MYO3B: variants seen among roughly 807,000 people sequenced by gnomAD.
MYO3B encodes myosin-IIIb.
In MYO3B, 156 loss-of-function variants were observed where a neutral mutation model predicts 174.6. The observed-to-expected ratio is 0.89, with a 90% CI of 0.78 to 1.02. The LOEUF (loss-of-function observed/expected upper bound fraction) is 1.02, where lower values mean the gene tolerates loss of function less well. Among genes scored for constraint, MYO3B ranks in the 50% least tolerant of loss-of-function variants. The pLI is 0.00. For missense variants in MYO3B, 1,632 were observed against 1,639.4 expected, an observed-to-expected ratio of 1.00 and a Z score of 0.08; for synonymous variants, 563 against 569.1, an observed-to-expected ratio of 0.99 and a Z score of 0.15.
At chr2:170,457,998 C>A (rs1272125329) in intron 23 of MYO3B, among the ~76,000 whole-genome samples, 5 of 152,156 alleles carry the variant, frequency 3.3e-5, no homozygotes, top group African/African-American at 1.2e-4. Context: ...AAGTGGTCCA[C>A]GCACCTTGGC....
intron 7 of MYO3B, among the ~76,000 whole-genome samples, chr2:170,269,115 C>T (rs529933095): frequency 6.6e-6 from 1 of 152,174 alleles, no homozygotes; most frequent in African/African-American, 2.4e-5. Context: ...GTACACCTTA[C>T]AGGCTGCCTC....
intron 25 of MYO3B, among the ~76,000 whole-genome samples, chr2:170,493,109 C>T (rs1286645129): frequency 6.6e-6 from 1 of 152,186 alleles, no homozygotes; most frequent in East Asian, 1.9e-4. Flanking sequence ...GATGTGCCTA[C>T]ATTCCAAACA....
intron 22 of MYO3B, among the ~76,000 whole-genome samples, chr2:170,410,038 T>G (rs1238501974): frequency 6.6e-6 from 1 of 152,244 alleles, no homozygotes; most frequent in East Asian, 1.9e-4. Context: ...GGAAGGTGCC[T>G]ATACATCTTG....
chr2:170,232,459 G>C (rs949461147), intron 6 of MYO3B, among the ~76,000 whole-genome samples: 4 of 152,222 alleles, frequency 2.6e-5, no homozygotes, highest in Admixed American at 6.5e-5. Context: ...AGATGGAGTT[G>C]AAATGACAAA....
At chr2:170,239,937 A>G (rs944720961) in intron 7 of MYO3B, among the ~76,000 whole-genome samples, 3 of 152,196 alleles carry the variant, frequency 2.0e-5, no homozygotes, top group Admixed American at 6.5e-5. Context: ...GACTCTAAGT[A>G]AGAATCCGTC....
Position 170,466,490 on chromosome 2 carries a change from T to A in MYO3B, c.2809-16T>A. 6.2e-7 allele frequency: 1 copy of A among 1,612,258 alleles called. No homozygotes were observed. The highest frequency in any genetic ancestry group is 8.5e-7 in the Non-Finnish European group (1 of 1,178,822). ...TGGTGGTAACCTTGTTCCTTGTGCA[T>A]TTTTCTCCCTGGTAGTATTCTCTGA... On this transcript the variant is annotated splice_polypyrimidine_tract_variant and intron_variant, in intron 24 of 34. Transcript: ENST00000408978.
At chr2:170,413,239 G>A (rs948268287) in intron 22 of MYO3B, among the ~76,000 whole-genome samples, 1 of 152,204 alleles carries the variant, frequency 6.6e-6, no homozygotes, top group African/African-American at 2.4e-5. Flanking sequence ...TTGGAGTGGT[G>A]TCTGTTTGTT....
chr2:170,279,079 T>C (rs2093485682), intron 7 of MYO3B, among the ~76,000 whole-genome samples: 1 of 152,140 alleles, frequency 6.6e-6, no homozygotes, highest in Non-Finnish European at 1.5e-5. Flanking sequence ...TTTGCTATTG[T>C]GAATAGAAAC....
At chr2:170,333,005 C>G (rs901648664) in intron 7 of MYO3B, among the ~76,000 whole-genome samples, 5 of 152,156 alleles carry the variant, frequency 3.3e-5, no homozygotes, top group Admixed American at 6.6e-5. Context: ...AGTCTCTCTA[C>G]AAATGACTTA....
chr2:170,453,453 CG>C (rs1240641488), intron 23 of MYO3B, among the ~76,000 whole-genome samples: 15,266 of 121,668 alleles, frequency 0.13, 832 homozygotes, highest in Middle Eastern at 0.19. Flanking sequence ...CACACACACA[CG>C]AGAGAGAGAG....
intron 9 of MYO3B, among the ~76,000 whole-genome samples, chr2:170,373,321 A>G (rs1284630419): frequency 6.6e-6 from 1 of 152,220 alleles, no homozygotes; most frequent in Non-Finnish European, 1.5e-5. Context: ...TGCAATGCCA[A>G]GTACTTCCAG....
At chr2:170,180,342 G>C (rs1257131240) in intron 1 of MYO3B, among the ~76,000 whole-genome samples, 1 of 152,154 alleles carries the variant, frequency 6.6e-6, no homozygotes, top group African/African-American at 2.4e-5. Context: ...AAATTTCATG[G>C]GTTACAAGGA....
intron 32 of MYO3B, among the ~76,000 whole-genome samples, chr2:170,647,312 C>T (rs57494919): frequency 6.6e-6 from 1 of 152,120 alleles, no homozygotes; most frequent in Non-Finnish European, 1.5e-5. Context: ...GGGACTTTGT[C>T]TTATTTCTCT....
chr2:170,575,913 A>G (rs1244030546), intron 32 of MYO3B, among the ~76,000 whole-genome samples: 1 of 152,186 alleles, frequency 6.6e-6, no homozygotes, highest in Admixed American at 6.5e-5. Context: ...AGACTCTCGT[A>G]GCTGAAAGGA....
intron 7 of MYO3B, among the ~76,000 whole-genome samples, chr2:170,237,928 C>T (rs1381351994): frequency 6.6e-6 from 1 of 152,164 alleles, no homozygotes; most frequent in Non-Finnish European, 1.5e-5. Context: ...TATGTGTGCT[C>T]ATGTGTGTTC....
chr2:170,211,526 GA>G (rs147378200), intron 3 of MYO3B, among the ~76,000 whole-genome samples: 2,754 of 152,286 alleles, frequency 0.018, 96 homozygotes, highest in African/African-American at 0.063. Flanking sequence ...TTTCGAAGGG[GA>G]TAAGGGTAAG....
At chr2:170,267,505 A>G (rs2093393304) in intron 7 of MYO3B, among the ~76,000 whole-genome samples, 1 of 152,214 alleles carries the variant, frequency 6.6e-6, no homozygotes, top group African/African-American at 2.4e-5. Context: ...AAATAGAATT[A>G]TGCTGTATAT....
intron 32 of MYO3B, among the ~76,000 whole-genome samples, chr2:170,629,031 T>C (rs74318095): frequency 5.3e-5 from 8 of 152,072 alleles, no homozygotes; most frequent in South Asian, 2.1e-4. Flanking sequence ...CGAAGAACGT[T>C]AAGGACAGGA....
chr2:170,379,193 AATTTT>A (rs2094316601), intron 9 of MYO3B, among the ~76,000 whole-genome samples: 3 of 134,674 alleles, frequency 2.2e-5, no homozygotes, highest in Admixed American at 7.5e-5. Flanking sequence ...AATGTGGTAC[AATTTT>A]TTTTTTTTTT....
Sources: allele counts gnomAD v4.1 joint callset (sites outside exome capture counted in the v4.1 genomes callset), GRCh38; gene constraint gnomAD v4.1.1; transcripts MANE v1.5; gene names NCBI Gene and HGNC (gene_info 2026-07-23, HGNC 2026-07-21).